The following LRRC4C variants were observed in gnomAD, a reference collection of about 807,000 sequenced individuals.
The protein encoded by LRRC4C is leucine-rich repeat-containing protein 4C.
LRRC4C carries 5 observed loss-of-function variants against 33.6 expected under a neutral mutation model. That is an observed-to-expected ratio of 0.15 (90% CI 0.08 to 0.31). The LOEUF is 0.31. LRRC4C is among the 10% of genes least tolerant of loss of function. LRRC4C has a pLI of 1.00. For synonymous variants in LRRC4C, 329 were observed against 302.0 expected, an observed-to-expected ratio of 1.09 and a Z score of -0.93; for missense variants, 560 against 796.7, an observed-to-expected ratio of 0.70 and a Z score of 3.58.
chr11:40,784,135 T>C (rs1379103328), intron 2 of LRRC4C, among the ~76,000 whole-genome samples: 1 of 152,152 alleles, frequency 6.6e-6, no homozygotes, highest in Admixed American at 6.5e-5. Context: ...GTTCATTTAA[T>C]AGTTCATTTT....
chr11:41,454,764 T>A (rs1237776353), intron 1 of LRRC4C, among the ~76,000 whole-genome samples: 3 of 152,154 alleles, frequency 2.0e-5, no homozygotes, highest in African/African-American at 4.8e-5. Context: ...AGAATATAGC[T>A]TTCTGTCTCC....
At chr11:40,407,151 A>G (rs1488825267) in intron 3 of LRRC4C, among the ~76,000 whole-genome samples, 1 of 152,116 alleles carries the variant, frequency 6.6e-6, no homozygotes, top group Non-Finnish European at 1.5e-5. Flanking sequence ...ACATTTTCAT[A>G]GGATCGGTTG....
chr11:41,045,391 C>A (rs1485313171), intron 1 of LRRC4C, among the ~76,000 whole-genome samples: 1 of 152,104 alleles, frequency 6.6e-6, no homozygotes, highest in Non-Finnish European at 1.5e-5. Flanking sequence ...AACCTCCTGG[C>A]ATTTGAAAGC....
At chr11:40,548,595 T>C (rs776525568) in intron 3 of LRRC4C, among the ~76,000 whole-genome samples, 1 of 152,058 alleles carries the variant, frequency 6.6e-6, no homozygotes, top group Non-Finnish European at 1.5e-5. Context: ...TTTGTGATGC[T>C]GTGTTATGGC....
chr11:40,413,108 C>T (rs964977583), intron 3 of LRRC4C, among the ~76,000 whole-genome samples: 1 of 151,862 alleles, frequency 6.6e-6, no homozygotes, highest in Admixed American at 6.6e-5. Context: ...TAGTAATTGC[C>T]TTGGAGGAAC....
intron 3 of LRRC4C, among the ~76,000 whole-genome samples, chr11:40,518,610 T>C (rs137868421): frequency 8.7e-4 from 132 of 152,246 alleles, no homozygotes; most frequent in Non-Finnish European, 1.4e-3. Context: ...CAACAGATAA[T>C]GGAGACGATA....
chr11:41,306,910 G>T (rs1188276806), intron 1 of LRRC4C, among the ~76,000 whole-genome samples: 1 of 152,120 alleles, frequency 6.6e-6, no homozygotes, highest in African/African-American at 2.4e-5. Context: ...ATCAAAGAGA[G>T]AATCAAATAC....
intron 2 of LRRC4C, among the ~76,000 whole-genome samples, chr11:40,912,269 G>A (rs1045985413): frequency 6.6e-6 from 1 of 151,970 alleles, no homozygotes; most frequent in African/African-American, 2.4e-5. Flanking sequence ...TTGAAATGAA[G>A]GAAAAAATGT....
intron 2 of LRRC4C, among the ~76,000 whole-genome samples, chr11:40,872,893 C>A (rs962005402): frequency 2.6e-5 from 4 of 152,088 alleles, no homozygotes; most frequent in Non-Finnish European, 5.9e-5. Flanking sequence ...TGTTATCTTT[C>A]TACCAGTTGT....
chr11:41,385,309 G>A (rs1237961394), intron 1 of LRRC4C, among the ~76,000 whole-genome samples: 3 of 151,496 alleles, frequency 2.0e-5, no homozygotes, highest in Non-Finnish European at 3.0e-5. Context: ...ATATACTCTT[G>A]TATTTCTTTC....
At chr11:41,116,193 G>A (rs892984285) in intron 1 of LRRC4C, among the ~76,000 whole-genome samples, 4 of 151,930 alleles carry the variant, frequency 2.6e-5, no homozygotes, top group Admixed American at 2.0e-4. Context: ...TACAAGCTTT[G>A]GTTTCAAAGA....
intron 3 of LRRC4C, among the ~76,000 whole-genome samples, chr11:40,609,460 A>T (rs574772995): frequency 6.6e-6 from 1 of 152,140 alleles, no homozygotes; most frequent in Non-Finnish European, 1.5e-5. Flanking sequence ...AAGAAGAAAT[A>T]TCTCAAATAA....
chr11:40,406,217 C>A (rs1350323492), intron 3 of LRRC4C, among the ~76,000 whole-genome samples: 1 of 152,046 alleles, frequency 6.6e-6, no homozygotes, highest in Non-Finnish European at 1.5e-5. Flanking sequence ...TTTCTATTTT[C>A]TTCCTCCTTC....
chr11:40,360,999 G>A (rs532989943), intron 3 of LRRC4C, among the ~76,000 whole-genome samples: 1 of 152,022 alleles, frequency 6.6e-6, no homozygotes, highest in African/African-American at 2.4e-5. Flanking sequence ...TAAAAATCAC[G>A]GGATTATCTC....
chr11:40,219,699 A>C (rs1335055575), intron 5 of LRRC4C, among the ~76,000 whole-genome samples: 1 of 151,200 alleles, frequency 6.6e-6, no homozygotes, highest in African/African-American at 2.4e-5. Flanking sequence ...CATAGAGAAC[A>C]AAACAGTGAT....
At chr11:40,433,756 A>T (rs1951030694) in intron 3 of LRRC4C, among the ~76,000 whole-genome samples, 1 of 152,214 alleles carries the variant, frequency 6.6e-6, no homozygotes, top group South Asian at 2.1e-4. Flanking sequence ...AAAAGGAAGT[A>T]GTCCAAGGAC....
chr11:40,197,566 T>C (rs1251277460), intron 5 of LRRC4C, among the ~76,000 whole-genome samples: 1 of 152,224 alleles, frequency 6.6e-6, no homozygotes, highest in Non-Finnish European at 1.5e-5. Context: ...CTCCCATCGC[T>C]AATTTTGAGT....
chr11:40,927,137 A>C (rs1181604148), intron 2 of LRRC4C, among the ~76,000 whole-genome samples: 1 of 152,174 alleles, frequency 6.6e-6, no homozygotes, highest in Non-Finnish European at 1.5e-5. Context: ...GCACTTTGGG[A>C]GGCTGAGGCG....
chr11:41,281,078 C>CCTCT lies in LRRC4C; in HGVS notation c.-496+178349_-496+178352dup, dbSNP rs142279457. ...TCTCTCTCTCTCTCTCTCTCTCTGT[C>CCTCT]CTCTCTCTCTCTCTCTCTCTCTCTC... On this transcript the variant is annotated intron_variant, in intron 1 of 6. Coordinates refer to ENST00000528697, the MANE Select transcript of LRRC4C (RefSeq NM_001258419.2). Among the ~76,000 whole-genome samples the CCTCT allele has an allele frequency of 1.6e-4, 13 of 83,140 alleles. No homozygotes were observed. In the East Asian group the frequency reaches 2.3e-3, roughly 15 times the overall value. The allele number at this position is 83,140 out of a possible 152,430, so 54.5% of individuals were successfully genotyped here. A position where few individuals can be genotyped will look rare whatever the true frequency, so the allele number is the denominator to read the frequency against.
Sources: allele counts gnomAD v4.1 joint callset (sites outside exome capture counted in the v4.1 genomes callset), GRCh38; gene constraint gnomAD v4.1.1; transcripts MANE v1.5; gene names NCBI Gene and HGNC (gene_info 2026-07-23, HGNC 2026-07-21).